CLSTN2: variants seen among roughly 807,000 people sequenced by gnomAD.
CLSTN2 encodes the protein calsyntenin 2, also known as calsyntenin-2.
In CLSTN2, 48 loss-of-function variants were observed where a neutral mutation model predicts 101.2. The observed-to-expected ratio is 0.47, with a 90% CI of 0.38 to 0.60. The LOEUF (loss-of-function observed/expected upper bound fraction) is 0.60, where lower values mean the gene tolerates loss of function less well. Among genes scored for constraint, CLSTN2 ranks in the 20% least tolerant of loss-of-function variants. CLSTN2 has a pLI of 0.00. For synonymous variants in CLSTN2, 481 were observed against 463.6 expected, an observed-to-expected ratio of 1.04 and a Z score of -0.48; for missense variants, 1,160 against 1,238.2, an observed-to-expected ratio of 0.94 and a Z score of 0.95.
At chr3:140,341,206 G>C (rs913569222) in intron 2 of CLSTN2, among the ~76,000 whole-genome samples, 9 of 152,130 alleles carry the variant, frequency 5.9e-5, no homozygotes, top group African/African-American at 2.2e-4. Context: ...AGAGAAAGGA[G>C]CTCTTTTTAT....
chr3:140,384,359 T>C (rs2088027167), intron 2 of CLSTN2, among the ~76,000 whole-genome samples: 1 of 152,224 alleles, frequency 6.6e-6, no homozygotes, highest in African/African-American at 2.4e-5. Context: ...TTAATTATCC[T>C]CCCTGGTCTT....
chr3:140,053,547 T>C (rs1437381367), intron 1 of CLSTN2, among the ~76,000 whole-genome samples: 3 of 152,134 alleles, frequency 2.0e-5, no homozygotes, highest in Non-Finnish European at 2.9e-5. Context: ...GGGATGTGTG[T>C]GGAGGACTGC....
In CLSTN2 at chr3:140,391,858, A is replaced by G. The variant is rs545593113; in HGVS notation, c.233-11771A>G. 1.2e-4 allele frequency among the ~76,000 whole-genome samples: 19 copies of G among 152,146 alleles called. No homozygotes were observed. The South Asian group carries it at 2.3e-3, about 18-fold the overall frequency. On this transcript the variant is annotated intron_variant, in intron 2 of 16. Coordinates refer to ENST00000458420, the MANE Select transcript of CLSTN2 (RefSeq NM_022131.3). Reference sequence around the variant, plus strand: ...GTTTTTAAATTTTTAAAATATTTTTATATACCATAACAATACCATCTAAGC... The same window carrying G: ...GTTTTTAAATTTTTAAAATATTTTTGTATACCATAACAATACCATCTAAGC...
At chr3:139,977,646 T>C (rs1935841913) in intron 1 of CLSTN2, among the ~76,000 whole-genome samples, 1 of 151,946 alleles carries the variant, frequency 6.6e-6, no homozygotes, top group African/African-American at 2.4e-5. Flanking sequence ...CGCTCCTTTG[T>C]TCATACTGAC....
intron 1 of CLSTN2, among the ~76,000 whole-genome samples, chr3:140,088,016 C>A (rs748209089): frequency 1.3e-5 from 2 of 152,162 alleles, no homozygotes; most frequent in Non-Finnish European, 2.9e-5. Context: ...AGCCACTGAT[C>A]TCTGGGGGCT....
At chr3:140,343,917 C>A (rs2087516658) in intron 2 of CLSTN2, among the ~76,000 whole-genome samples, 2 of 152,182 alleles carry the variant, frequency 1.3e-5, no homozygotes, top group South Asian at 2.1e-4. Context: ...TACCGAGGAG[C>A]TGCTGTGTGC....
At position 140,558,673 on chromosome 3, in the gene CLSTN2, T is replaced by C. The variant is rs928504906; in HGVS notation, c.1857T>C (p.Pro619=). 1.9e-6 allele frequency: 3 copies of C among 1,613,600 alleles called. No individual in the cohort carries two copies. The highest frequency in any genetic ancestry group is 2.5e-6 in the Non-Finnish European group (3 of 1,179,648). Reference sequence around the variant, plus strand: ...GGGAAGACGTATGCATCAGTATCCCTGAGGTAGATGCCTATGTGATGGTCC... The same window carrying C: ...GGGAAGACGTATGCATCAGTATCCCCGAGGTAGATGCCTATGTGATGGTCC... ...CFGEDVCISI[P]EVDAYVMVLQ... Residue 619 remains proline, a synonymous_variant, in exon 12 of 17, where the codon CCT becomes CCC. Coordinates refer to ENST00000458420, the MANE Select transcript of CLSTN2 (RefSeq NM_022131.3).
At chr3:139,975,734 G>T (rs1411688060) in intron 1 of CLSTN2, among the ~76,000 whole-genome samples, 1 of 152,144 alleles carries the variant, frequency 6.6e-6, no homozygotes, top group Non-Finnish European at 1.5e-5. Context: ...GACGCAGGGG[G>T]TGCTTGTCCA....
chr3:140,347,504 T>C (rs1018547413), intron 2 of CLSTN2, among the ~76,000 whole-genome samples: 4 of 152,244 alleles, frequency 2.6e-5, no homozygotes, highest in Non-Finnish European at 5.9e-5. Context: ...GCAAATTCAA[T>C]AAAACACAAA....
intron 1 of CLSTN2, among the ~76,000 whole-genome samples, chr3:140,043,859 G>C (rs373736879): frequency 2.0e-5 from 3 of 152,096 alleles, no homozygotes; most frequent in East Asian, 1.9e-4. Flanking sequence ...ATTTCTGAGG[G>C]CTCTGTTCTG....
intron 4 of CLSTN2, among the ~76,000 whole-genome samples, chr3:140,406,975 A>C (rs1455179923): frequency 2.0e-5 from 3 of 152,238 alleles, no homozygotes; most frequent in African/African-American, 7.2e-5. Context: ...CTGTCTCATT[A>C]AAAGTGAGTA....
chr3:139,936,759 T>C (rs1397504152), intron 1 of CLSTN2, among the ~76,000 whole-genome samples: 1 of 152,194 alleles, frequency 6.6e-6, no homozygotes, highest in East Asian at 1.9e-4. Context: ...GAGTGATATA[T>C]TTGAGAAGAA....
intron 1 of CLSTN2, among the ~76,000 whole-genome samples, chr3:140,080,715 C>T (rs1350766262): frequency 1.3e-5 from 2 of 152,154 alleles, no homozygotes; most frequent in African/African-American, 4.8e-5. Context: ...CATCAGCCAT[C>T]AATGAGGACT....
intron 2 of CLSTN2, among the ~76,000 whole-genome samples, chr3:140,242,824 C>A (rs771562754): frequency 3.9e-5 from 6 of 152,168 alleles, no homozygotes; most frequent in Non-Finnish European, 1.5e-5. Flanking sequence ...GAGGTTGCAT[C>A]CCCTAGGAAC....
At chr3:140,322,562 T>C (rs1431968070) in intron 2 of CLSTN2, among the ~76,000 whole-genome samples, 1 of 152,222 alleles carries the variant, frequency 6.6e-6, no homozygotes, top group Non-Finnish European at 1.5e-5. Context: ...CAGATGTCAA[T>C]GTACTGAGTC....
rs1047174985 is a variant in CLSTN2, at chr3:139,974,461, C to T, written c.109+38978C>T. Among the ~76,000 whole-genome samples the T allele has an allele frequency of 3.3e-5, 5 of 152,290 alleles. No homozygotes were observed. In the East Asian group the frequency reaches 5.8e-4, roughly 18 times the overall value. On this transcript the variant is annotated intron_variant, in intron 1 of 16. Coordinates refer to ENST00000458420, the MANE Select transcript of CLSTN2 (RefSeq NM_022131.3). Reference sequence around the variant, plus strand: ...ATATACCAGGGCTAATTTGGACCACCTTTCCCTGCTTCCCCAGAGGGCATC... The same window carrying T: ...ATATACCAGGGCTAATTTGGACCACTTTTCCCTGCTTCCCCAGAGGGCATC...
At chr3:140,154,668 G>A (rs1455344843) in intron 1 of CLSTN2, among the ~76,000 whole-genome samples, 5 of 111,578 alleles carry the variant, frequency 4.5e-5, no homozygotes, top group South Asian at 3.2e-4. Context: ...TTTTTGAGAC[G>A]GAGTCTTGCT....
chr3:140,438,279 G>A (rs1300989914), intron 5 of CLSTN2, among the ~76,000 whole-genome samples: 2 of 70,808 alleles, frequency 2.8e-5, no homozygotes, highest in African/African-American at 5.0e-5. Flanking sequence ...CCTCACACAT[G>A]GGGAATAGAG....
chr3:140,562,159 AG>A lies in CLSTN2; in HGVS notation c.2065del (p.Glu689LysfsTer6). 1 of 1,614,088 alleles carries A rather than the reference AG, an allele frequency of 6.2e-7. No individual in the cohort carries two copies. The highest frequency in any genetic ancestry group is 1.1e-5 in the South Asian group (1 of 91,060). ...ACAGACCCCAAATCAGAAGTCTTAG[AG>A]GAAATGCTTCATAACTTAGATTTCT... ...KTTDPKSEVL[E>X]EMLHNLDFCD... On this transcript the variant is annotated frameshift_variant, in exon 13 of 17. Transcript: ENST00000458420. LOFTEE classifies it high-confidence loss of function.
Sources: gnomAD v4.1 joint callset for allele counts (sites outside exome capture counted in the v4.1 genomes callset) on GRCh38, gnomAD v4.1.1 for gene constraint, MANE v1.5 for transcripts, NCBI Gene and HGNC (gene_info 2026-07-23, HGNC 2026-07-21) for gene names.